The following CCNI variants were observed in gnomAD, a reference collection of about 807,000 sequenced individuals.
The protein encoded by CCNI is cyclin I.
A neutral mutation model predicts 34.1 loss-of-function variants in CCNI; 14 were observed. That is an observed-to-expected ratio of 0.41 (90% CI 0.27 to 0.64). The LOEUF (loss-of-function observed/expected upper bound fraction) is 0.64. CCNI is among the 30% of genes least tolerant of loss of function. The pLI is 0.31. For synonymous variants in CCNI, 154 were observed against 158.4 expected (o/e 0.97, Z 0.21); for missense variants, 385 against 440.5 (o/e 0.87, Z 1.13).
At chr4:77,065,850 A>G (rs1367947541) in intron 2 of CCNI, among the ~76,000 whole-genome samples, 1 of 152,244 alleles carries the variant, frequency 6.6e-6, no homozygotes. Context: ...CTATAATCCT[A>G]CCACTTTGGG....
Position 77,048,452 on chromosome 4 carries a change from T to C in CCNI, c.901A>G (p.Arg301Gly), listed in dbSNP as rs754974639. 6.2e-7 allele frequency: 1 copy of C among 1,614,140 alleles called. No individual in the cohort carries two copies. The highest frequency in any genetic ancestry group is 1.1e-5 in the South Asian group (1 of 91,082). Residue 301 changes from arginine to glycine, a missense_variant, in exon 7 of 7, where the codon AGA becomes GGA. By Grantham distance (125) the Arg-to-Gly change is moderately radical. Coordinates refer to ENST00000237654, the MANE Select transcript of CCNI (RefSeq NM_006835.3). Reference protein sequence around the residue: ...KDNSKPEVPVRGTAAFYHHLP... With the variant: ...KDNSKPEVPVGGTAAFYHHLP... ...TGATGGTAAAAGGCTGCTGTACCTC[T>C]GACTGGCACTTCTGGCTTGCTGTTG...
intron 6 of CCNI, among the ~76,000 whole-genome samples, chr4:77,049,444 A>G (rs921043893): frequency 3.3e-5 from 5 of 152,136 alleles, no homozygotes; most frequent in Non-Finnish European, 7.4e-5. Context: ...TTGGGAGGCC[A>G]AGGCAGGTGG....
chr4:77,065,837 C>G (rs531909443), intron 2 of CCNI, among the ~76,000 whole-genome samples: 2 of 152,210 alleles, frequency 1.3e-5, no homozygotes, highest in Non-Finnish European at 2.9e-5. Flanking sequence ...TGGTGGCTCA[C>G]GCCTATAATC....
At chr4:77,058,835 C>A (rs1403305453) in intron 2 of CCNI, among the ~76,000 whole-genome samples, 200 bp from the exon 3 acceptor site, 1 of 152,142 alleles carries the variant, frequency 6.6e-6, no homozygotes, top group Non-Finnish European at 1.5e-5. Flanking sequence ...ATCCAATATT[C>A]TCCTACTCTT....
intron 2 of CCNI, among the ~76,000 whole-genome samples, chr4:77,059,731 G>GT (rs1728478590): frequency 2.0e-5 from 3 of 152,030 alleles, no homozygotes; most frequent in African/African-American, 7.2e-5. Context: ...ATATCTAGCT[G>GT]TAATTCTGTA....
rs1156547873 is a variant in CCNI, at chr4:77,075,506, G to A, written c.-78C>T. On this transcript the variant is annotated 5_prime_UTR_variant, in exon 1 of 7. Coordinates refer to ENST00000237654, the MANE Select transcript of CCNI (RefSeq NM_006835.3). ...CTCTTCCTCCTCCTCCTCCTCCCCG[G>A]CAGAGCTGTAGGCCTCACAGTGGTG... 8.1e-6 allele frequency: 8 copies of A among 986,794 alleles called. No individual in the cohort carries two copies. The East Asian group carries it at 9.1e-4, about 112-fold the overall frequency. 61.1% of individuals were successfully genotyped at this position (986,794 alleles called of 1,614,324 possible). A position where few individuals can be genotyped will look rare whatever the true frequency, so the allele number is the denominator to read the frequency against.
At chr4:77,048,806 TTA>T (rs1727632420) in intron 6 of CCNI, 144 bp from the exon 7 acceptor site, 2 of 482,298 alleles carry the variant, frequency 4.1e-6, no homozygotes. Flanking sequence ...TCCAACTCAT[TTA>T]TTTATCCAGC....
intron 6 of CCNI, among the ~76,000 whole-genome samples, chr4:77,051,362 T>C (rs546156025): frequency 3.5e-4 from 53 of 152,176 alleles, no homozygotes; most frequent in Non-Finnish European, 7.3e-4. Flanking sequence ...CATGGCAGAA[T>C]CAATACTATG....
At chr4:77,071,133 T>C (rs531574661) in intron 1 of CCNI, among the ~76,000 whole-genome samples, 2 of 152,308 alleles carry the variant, frequency 1.3e-5, no homozygotes, top group South Asian at 2.1e-4. Flanking sequence ...AAGAGACACA[T>C]AAAGTAGAAT....
intron 6 of CCNI, among the ~76,000 whole-genome samples, chr4:77,050,888 T>C (rs952180037): frequency 1.3e-5 from 2 of 151,130 alleles, no homozygotes; most frequent in African/African-American, 4.9e-5. Flanking sequence ...GGCTATAGTG[T>C]AGAAATTATT....
At chr4:77,075,335 G>A (rs1366238645) in intron 1 of CCNI, 137 bp downstream of exon 1, 2 of 174,966 alleles carry the variant, frequency 1.1e-5, no homozygotes, top group African/African-American at 4.8e-5. Context: ...GGGGATGCGG[G>A]AGGGTGGGTC....
chr4:77,061,127 C>T (rs574419493), intron 2 of CCNI, among the ~76,000 whole-genome samples: 1 of 152,292 alleles, frequency 6.6e-6, no homozygotes, highest in East Asian at 1.9e-4. Flanking sequence ...ATGTTATCAT[C>T]ACTAGCCAAA....
Position 77,072,714 on chromosome 4 carries a change from G to A in CCNI, c.-44+2758C>T, listed in dbSNP as rs537731086. Among the ~76,000 whole-genome samples the A allele has an allele frequency of 5.4e-4, 81 of 151,298 alleles. 1 individual carries two copies. Among genetic ancestry groups the A allele is most frequent in the Admixed American group, 6.6e-4 (10 of 15,178 alleles). On this transcript the variant is annotated intron_variant, in intron 1 of 6. Coordinates refer to ENST00000237654, the MANE Select transcript of CCNI (RefSeq NM_006835.3). ...CCCTCAACTAGATCCTGTACTGGAA[G>A]GAGACAAATGGTGTAAAGGTCATTA... is the stretch of plus-strand genomic sequence containing the variant.
At chr4:77,075,090 T>A (rs2109861869) in intron 1 of CCNI, 1 of 152,046 alleles carries the variant, frequency 6.6e-6, no homozygotes, top group South Asian at 2.1e-4. Flanking sequence ...CCCCGGAGAA[T>A]CGTTCAACCT....
At position 77,048,272 on chromosome 4, in the gene CCNI, G is replaced by GA; in HGVS notation, c.1080_1081insT (p.Gln361SerfsTer31). On this transcript the variant is annotated frameshift_variant, in exon 7 of 7. Coordinates refer to ENST00000237654, the MANE Select transcript of CCNI (RefSeq NM_006835.3). LOFTEE classifies it high-confidence loss of function. ...GGACAAGGGGAAGCATGTCCCTCTT[G>GA]TCTTGATAAATCAGTGCCACACACA... 6.2e-7 allele frequency: 1 copy of GA among 1,614,112 alleles called. No individual in the cohort carries two copies. Among genetic ancestry groups the GA allele is most frequent in the Non-Finnish European group, 8.5e-7 (1 of 1,179,998 alleles).
rs541584238 is a variant in CCNI at position 77,048,971 on chromosome 4, T to G, written c.691-309A>C. 8.3e-3 allele frequency among the ~76,000 whole-genome samples: 1,169 copies of G among 141,342 alleles called. 24 individuals carry two copies. Among genetic ancestry groups the G allele is most frequent in the African/African-American group, 0.03 (1,101 of 36,816 alleles). 92.7% of individuals were successfully genotyped at this position (141,342 alleles called of 152,430 possible). ...TTTGTATCCAACGTCTGTTTTTTTT[T>G]TTTTTTTTTTTTTTTTTCAGTCTAT... On this transcript the variant is annotated intron_variant, in intron 6 of 6. Coordinates refer to ENST00000237654, the MANE Select transcript of CCNI (RefSeq NM_006835.3).
rs773515030 is a variant in CCNI at position 77,048,620 on chromosome 4, G to A, written c.733C>T (p.His245Tyr). Residue 245 changes from histidine to tyrosine, a missense_variant, in exon 7 of 7, where the codon CAT becomes TAT. By Grantham distance (83) the His-to-Tyr change is moderately conservative. Coordinates refer to ENST00000237654, the MANE Select transcript of CCNI (RefSeq NM_006835.3). ...QLIHCRELVA[H>Y]HLSTLQSSLP... The stretch of plus-strand genomic sequence containing the variant: ...GAAGACTGCAGAGTAGAAAGGTGAT[G>A]TGCCACAAGCTCCCGACAATGGATC... The A allele has an allele frequency of 5.1e-6, 8 of 1,575,596 alleles. No individual in the cohort carries two copies. The highest frequency in any genetic ancestry group is 1.7e-4 in the Middle Eastern group (1 of 5,856).
chr4:77,073,949 T>G (rs1010784897), intron 1 of CCNI, among the ~76,000 whole-genome samples: 5 of 152,226 alleles, frequency 3.3e-5, no homozygotes, highest in Admixed American at 6.5e-5. Flanking sequence ...CTATGCCATA[T>G]TAACTCATGT....
intron 1 of CCNI, among the ~76,000 whole-genome samples, chr4:77,070,701 G>A (rs1013160815): frequency 4.6e-5 from 7 of 151,990 alleles, no homozygotes; most frequent in African/African-American, 1.4e-4. Flanking sequence ...CACTAGAAAC[G>A]GAATGTAGGC....
Sources: allele counts gnomAD v4.1 joint callset (sites outside exome capture counted in the v4.1 genomes callset), GRCh38; gene constraint gnomAD v4.1.1; transcripts MANE v1.5; gene names NCBI Gene and HGNC (gene_info 2026-07-23, HGNC 2026-07-21).